C12orf42: variants seen among roughly 807,000 people sequenced by gnomAD.
C12orf42 encodes the protein uncharacterized protein C12orf42.
C12orf42 carries 25 observed loss-of-function variants against 21.6 expected under a neutral mutation model. That is an observed-to-expected ratio of 1.16 (90% CI 0.84 to 1.62). The LOEUF is 1.62. C12orf42 is among the 40% of genes most tolerant of loss of function. The pLI, the probability that C12orf42 is intolerant of heterozygous loss-of-function variation, is 0.00. For missense variants in C12orf42, 483 were observed against 459.3 expected (o/e 1.05, Z -0.47); for synonymous variants, 174 against 175.0 (o/e 0.99, Z 0.05).
the C12orf42 span, among the ~76,000 whole-genome samples, chr12:103,547,621 T>C: frequency 6.6e-6 from 1 of 152,244 alleles, no homozygotes; most frequent in East Asian, 1.9e-4. Context: ...GAAAGATATG[T>C]GATCTGCTTC....
At chr12:103,136,657 A>G in the C12orf42 span, among the ~76,000 whole-genome samples, 4 of 152,378 alleles carry the variant, frequency 2.6e-5, no homozygotes, top group East Asian at 7.7e-4. Context: ...TAACCAAAAC[A>G]GCAAGATATT....
chr12:103,287,178 A>G (rs1757787127), intron 4 of C12orf42, among the ~76,000 whole-genome samples: 1 of 152,258 alleles, frequency 6.6e-6, no homozygotes, highest in Admixed American at 6.5e-5. Flanking sequence ...TAGAAGTACC[A>G]TTTGACCCAG....
At chr12:103,438,458 A>G (rs992438534) in intron 2 of C12orf42, among the ~76,000 whole-genome samples, 86 of 152,124 alleles carry the variant, frequency 5.7e-4, no homozygotes, top group Non-Finnish European at 1.8e-4. Flanking sequence ...GAAAAGAGGA[A>G]GTCAAATTGT....
At chr12:103,153,974 A>ACT in the C12orf42 span, among the ~76,000 whole-genome samples, 2 of 141,090 alleles carry the variant, frequency 1.4e-5, no homozygotes, top group Non-Finnish European at 3.1e-5. Flanking sequence ...ACTAGACTGT[A>ACT]GTAAGATGGA....
intron 4 of C12orf42, among the ~76,000 whole-genome samples, chr12:103,361,501 C>T (rs2044102376): frequency 6.6e-6 from 1 of 152,030 alleles, no homozygotes; most frequent in Admixed American, 6.6e-5. Context: ...TGTAGCAATT[C>T]CAACCCAATG....
chr12:103,448,518 G>GA lies in C12orf42; in HGVS notation c.78+29830dup, dbSNP rs201829766. Among the ~76,000 whole-genome samples the GA allele has an allele frequency of 5.6e-3, 851 of 152,138 alleles. 16 individuals carry two copies. The highest frequency in any genetic ancestry group is 0.02 in the African/African-American group (822 of 41,488). On this transcript the variant is annotated intron_variant, in intron 2 of 5. Transcript: ENST00000548883. The stretch of plus-strand genomic sequence containing the variant: ...TTAAGAGAAAACCCACAGAGTGAGA[G>GA]AAAATCTTCACAATCCATACATGTG...
At chr12:103,115,569 C>T in the C12orf42 span, among the ~76,000 whole-genome samples, 2 of 152,190 alleles carry the variant, frequency 1.3e-5, no homozygotes, top group East Asian at 3.8e-4. Flanking sequence ...TCCATAAAAG[C>T]AGAATCTCGT....
chr12:103,145,867 A>G, the C12orf42 span, among the ~76,000 whole-genome samples: 2 of 152,154 alleles, frequency 1.3e-5, no homozygotes, highest in African/African-American at 4.8e-5. Context: ...AAAAAAACAG[A>G]GTCCAAACAA....
chr12:103,343,530 G>A (rs1240599939), intron 4 of C12orf42, among the ~76,000 whole-genome samples: 5 of 152,130 alleles, frequency 3.3e-5, no homozygotes, highest in Non-Finnish European at 5.9e-5. Flanking sequence ...TGTAATCCCA[G>A]CACTTTGGGA....
chr12:103,225,556 G>A, the C12orf42 span, among the ~76,000 whole-genome samples: 13 of 152,020 alleles, frequency 8.6e-5, no homozygotes, highest in African/African-American at 2.9e-4. Flanking sequence ...AGGACGCAAA[G>A]GAGGCTTTGG....
chr12:103,397,165 C>T (rs1302664241), intron 3 of C12orf42, among the ~76,000 whole-genome samples: 2 of 152,156 alleles, frequency 1.3e-5, no homozygotes, highest in Non-Finnish European at 2.9e-5. Flanking sequence ...TGAGATTTAT[C>T]CTTGATGGTC....
chr12:103,431,978 G>T (rs868321137), intron 2 of C12orf42, among the ~76,000 whole-genome samples: 2 of 152,186 alleles, frequency 1.3e-5, no homozygotes, highest in African/African-American at 4.8e-5. Flanking sequence ...TTCGAAGAAG[G>T]TCAAGCAGGC....
chr12:103,217,365 CA>C, the C12orf42 span, among the ~76,000 whole-genome samples: 1 of 151,814 alleles, frequency 6.6e-6, no homozygotes, highest in East Asian at 1.9e-4. Flanking sequence ...AAAAAACACA[CA>C]AACAAACAAA....
At chr12:103,459,891 T>C (rs1221721525) in intron 2 of C12orf42, among the ~76,000 whole-genome samples, 1 of 152,162 alleles carries the variant, frequency 6.6e-6, no homozygotes, top group Non-Finnish European at 1.5e-5. Context: ...CACCCACTTC[T>C]GAGAACCCTT....
intron 4 of C12orf42, among the ~76,000 whole-genome samples, chr12:103,319,684 C>G (rs1278559056): frequency 6.6e-6 from 1 of 152,214 alleles, no homozygotes; most frequent in East Asian, 1.9e-4. Context: ...GCCCTATGGC[C>G]GTCTGGCCAA....
intron 2 of C12orf42, among the ~76,000 whole-genome samples, chr12:103,420,289 AAAC>A (rs2049768259): frequency 6.6e-6 from 1 of 152,198 alleles, no homozygotes; most frequent in Non-Finnish European, 1.5e-5. Flanking sequence ...GTGCTTACAA[AAAC>A]AACAATAGAA....
downstream of C12orf42, among the ~76,000 whole-genome samples, chr12:103,235,384 CT>C (rs1284823929): frequency 6.6e-6 from 1 of 152,106 alleles, no homozygotes; most frequent in African/African-American, 2.4e-5. Flanking sequence ...TTAGAAGTTT[CT>C]TTCCAACTTA....
At chr12:103,416,628 T>TA (rs35347537) in intron 2 of C12orf42, among the ~76,000 whole-genome samples, 91,348 of 150,680 alleles carry the variant, frequency 0.61, 29,012 homozygotes, top group Admixed American at 0.71. Context: ...GCAAGACAGT[T>TA]AAAAAAAAAG....
chr12:103,204,588 C>A, the C12orf42 span, among the ~76,000 whole-genome samples: 1 of 152,086 alleles, frequency 6.6e-6, no homozygotes, highest in Non-Finnish European at 1.5e-5. Context: ...TCTTGCAAAG[C>A]AAATCATTTC....
Sources: allele counts gnomAD v4.1 joint callset (sites outside exome capture counted in the v4.1 genomes callset), GRCh38; gene constraint gnomAD v4.1.1; transcripts MANE v1.5; gene names NCBI Gene and HGNC (gene_info 2026-07-23, HGNC 2026-07-21).